UBE3A: variants seen among roughly 807,000 people sequenced by gnomAD.
UBE3A encodes ubiquitin-protein ligase E3A.
UBE3A carries 6 observed loss-of-function variants against 83.4 expected under a neutral mutation model. That is an observed-to-expected ratio of 0.07 (90% CI 0.04 to 0.14). UBE3A has a LOEUF of 0.14. Ranked by LOEUF, UBE3A falls within the 10% of genes least tolerant of loss-of-function variation. The pLI, the probability that UBE3A is intolerant of heterozygous loss-of-function variation, is 1.00. For synonymous variants in UBE3A, 337 were observed against 355.4 expected, an observed-to-expected ratio of 0.95 and a Z score of 0.58; for missense variants, 456 against 1,036.1, an observed-to-expected ratio of 0.44 and a Z score of 7.69.
intron 1 of UBE3A, chr15:25,413,146 A>G: frequency 5.5e-6 from 2 of 362,782 alleles, no homozygotes; most frequent in Non-Finnish European, 1.1e-5. Flanking sequence ...TATTAGGCAC[A>G]CTCACTTGCC....
At chr15:25,394,454 TAA>T (rs2085097750) in intron 4 of UBE3A, among the ~76,000 whole-genome samples, 1 of 152,216 alleles carries the variant, frequency 6.6e-6, no homozygotes. Context: ...CTTATTTGAT[TAA>T]AGAGATTTCT....
At chr15:25,411,178 A>AC (rs951679787) in intron 2 of UBE3A, among the ~76,000 whole-genome samples, 1 of 152,114 alleles carries the variant, frequency 6.6e-6, no homozygotes, top group Non-Finnish European at 1.5e-5. Flanking sequence ...AAGTTACTTA[A>AC]CCTCTCCGAG....
chr15:25,346,608 T>C (rs2075726695), intron 11 of UBE3A: 1 of 151,972 alleles, frequency 6.6e-6, no homozygotes, highest in Non-Finnish European at 1.5e-5. Flanking sequence ...ATCAGAGAAA[T>C]GATTTGACAA....
chr15:25,350,470 T>A (rs1157972046), intron 11 of UBE3A, among the ~76,000 whole-genome samples: 1 of 152,018 alleles, frequency 6.6e-6, no homozygotes, highest in Non-Finnish European at 1.5e-5. Flanking sequence ...AAACTAAGGA[T>A]AAGACATACT....
Position 25,356,934 on chromosome 15 carries a change from A to G in UBE3A, c.1754-38T>C, listed in dbSNP as rs769052255. ...ATTTTTAAAAATACATTACTTTTGT[A>G]TTTTATTAAGGACTGATGAATAATA... is the stretch of plus-strand genomic sequence containing the variant. On this transcript the variant is annotated intron_variant, in intron 7 of 12. Transcript: ENST00000648336. 16 of 1,538,904 alleles carry G rather than the reference A, an allele frequency of 1.0e-5. No homozygotes were observed. In the South Asian group the frequency reaches 1.6e-4, roughly 15 times the overall value.
At chr15:25,350,142 T>G (rs2076277764) in intron 11 of UBE3A, among the ~76,000 whole-genome samples, 1 of 152,028 alleles carries the variant, frequency 6.6e-6, no homozygotes, top group Non-Finnish European at 1.5e-5. Context: ...ACACCTGTAG[T>G]ACCAGCTACT....
chr15:25,389,261 CA>C (rs57524621), intron 4 of UBE3A, among the ~76,000 whole-genome samples: 13 of 146,134 alleles, frequency 8.9e-5, no homozygotes, highest in Non-Finnish European at 9.0e-5. Context: ...CATCCACATG[CA>C]AAAAAAAAAA....
chr15:25,373,590 C>T (rs1342807232), intron 5 of UBE3A: 2 of 152,212 alleles, frequency 1.3e-5, no homozygotes, highest in Non-Finnish European at 2.9e-5. Flanking sequence ...GATTCTCCTA[C>T]CTCAGCCTCC....
At chr15:25,375,801 T>C (rs373276085) in intron 4 of UBE3A, 38 bp from the exon 5 acceptor site, 2 of 1,601,266 alleles carry the variant, frequency 1.2e-6, no homozygotes, top group African/African-American at 1.3e-5. Flanking sequence ...CAGTGATTAG[T>C]ACAGCTCTCA....
intron 4 of UBE3A, among the ~76,000 whole-genome samples, chr15:25,376,042 G>C (rs2081151295): frequency 6.6e-6 from 1 of 152,144 alleles, no homozygotes; most frequent in Non-Finnish European, 1.5e-5. Flanking sequence ...AGGGGGGCTT[G>C]TCTGATGGTA....
chr15:25,352,144 G>A (rs1456054659), intron 11 of UBE3A, among the ~76,000 whole-genome samples: 1 of 152,194 alleles, frequency 6.6e-6, no homozygotes, highest in Non-Finnish European at 1.5e-5. Context: ...GCAGTGAACT[G>A]AGACTGCGCC....
intron 4 of UBE3A, among the ~76,000 whole-genome samples, chr15:25,378,143 T>A (rs556900617): frequency 6.6e-6 from 1 of 152,190 alleles, no homozygotes; most frequent in Non-Finnish European, 1.5e-5. Context: ...TTGTCTCTGA[T>A]TTTTAAAAAA....
intron 4 of UBE3A, among the ~76,000 whole-genome samples, chr15:25,400,189 T>C (rs1400206766): frequency 6.6e-6 from 1 of 152,248 alleles, no homozygotes; most frequent in Non-Finnish European, 1.5e-5. Context: ...TCAATTTCTT[T>C]AATCAATGTT....
At chr15:25,383,669 G>A (rs886779705) in intron 4 of UBE3A, among the ~76,000 whole-genome samples, 28 of 152,026 alleles carry the variant, frequency 1.8e-4, no homozygotes, top group South Asian at 8.3e-4. Flanking sequence ...CGCTCAATTC[G>A]CTAGAAAGAT....
chr15:25,391,425 A>G (rs376893133), intron 4 of UBE3A, among the ~76,000 whole-genome samples: 1 of 152,356 alleles, frequency 6.6e-6, no homozygotes, highest in South Asian at 2.1e-4. Context: ...GCTGCACAAC[A>G]ATGTGCACAG....
intron 4 of UBE3A, among the ~76,000 whole-genome samples, chr15:25,402,880 T>C (rs1409244163): frequency 6.6e-6 from 1 of 152,226 alleles, no homozygotes; most frequent in Non-Finnish European, 1.5e-5. Flanking sequence ...TTGATGGTTC[T>C]ACAATGAGAT....
At chr15:25,432,889 T>C (rs1893882408) in intron 1 of UBE3A, among the ~76,000 whole-genome samples, 1 of 152,186 alleles carries the variant, frequency 6.6e-6, no homozygotes, top group Admixed American at 6.5e-5. Context: ...TCACATGTGA[T>C]TCCTTACACG....
At chr15:25,359,289 GT>G (rs2077659937) in intron 7 of UBE3A, among the ~76,000 whole-genome samples, 1 of 152,080 alleles carries the variant, frequency 6.6e-6, no homozygotes, top group African/African-American at 2.4e-5. Context: ...ACTTTATGAA[GT>G]TTATAATTTT....
At chr15:25,366,451 A>C (rs1264769519) in intron 6 of UBE3A, among the ~76,000 whole-genome samples, 1 of 152,152 alleles carries the variant, frequency 6.6e-6, no homozygotes, top group Non-Finnish European at 1.5e-5. Context: ...AGGGCCAGTG[A>C]CTTTTAGAGG....
Sources: gnomAD v4.1 joint callset for allele counts (sites outside exome capture counted in the v4.1 genomes callset) on GRCh38, gnomAD v4.1.1 for gene constraint, MANE v1.5 for transcripts, NCBI Gene and HGNC (gene_info 2026-07-23, HGNC 2026-07-21) for gene names.